MGA: variants seen among roughly 807,000 people sequenced by gnomAD.
MGA encodes MAX dimerization protein MGA.
A neutral mutation model predicts 261.1 loss-of-function variants in MGA; 40 were observed. The observed-to-expected ratio is 0.15, with a 90% CI of 0.12 to 0.20. The LOEUF (loss-of-function observed/expected upper bound fraction) is 0.20. Ranked by LOEUF, MGA falls within the 10% of genes least tolerant of loss-of-function variation. MGA has a pLI of 1.00. For synonymous variants in MGA, 1,302 were observed against 1,290.6 expected, an observed-to-expected ratio of 1.01 and a Z score of -0.19; for missense variants, 3,397 against 3,630.5, an observed-to-expected ratio of 0.94 and a Z score of 1.65.
intron 1 of MGA, among the ~76,000 whole-genome samples, chr15:41,666,731 A>G (rs1184674503): frequency 3.3e-5 from 5 of 152,200 alleles, no homozygotes; most frequent in African/African-American, 7.2e-5. Flanking sequence ...ATTCCACTCT[A>G]TGGATGTGTC....
At chr15:41,679,196 C>T (rs1177330704) in intron 2 of MGA, among the ~76,000 whole-genome samples, 9 of 151,870 alleles carry the variant, frequency 5.9e-5, no homozygotes, top group African/African-American at 1.5e-4. Flanking sequence ...CCACTGTGCC[C>T]GGCTAATTTT....
At chr15:41,719,154 A>G (rs1350618540) in intron 9 of MGA, among the ~76,000 whole-genome samples, 1 of 152,116 alleles carries the variant, frequency 6.6e-6, no homozygotes, top group Non-Finnish European at 1.5e-5. Flanking sequence ...AATAGCATCC[A>G]ACGAGAAGAG....
chr15:41,735,447 G>C (rs7182680), intron 12 of MGA, among the ~76,000 whole-genome samples: 2,008 of 152,262 alleles, frequency 0.013, 50 homozygotes, highest in African/African-American at 0.046. Context: ...CTTAAAATCA[G>C]AATACTACAG....
chr15:41,693,498 G>C (rs1338718754), intron 2 of MGA, among the ~76,000 whole-genome samples: 1 of 151,988 alleles, frequency 6.6e-6, no homozygotes, highest in Non-Finnish European at 1.5e-5. Context: ...ATTGTGCAAG[G>C]AACAAGTAAC....
At chr15:41,694,610 T>C (rs1407346948) in intron 2 of MGA, among the ~76,000 whole-genome samples, 1 of 151,610 alleles carries the variant, frequency 6.6e-6, no homozygotes, top group Non-Finnish European at 1.5e-5. Context: ...CACTGCAAGC[T>C]CCGCCTCCCA....
upstream of MGA, among the ~76,000 whole-genome samples, chr15:41,658,792 A>ATTCCCCT (rs1287911467): frequency 1.3e-5 from 2 of 151,220 alleles, no homozygotes; most frequent in East Asian, 3.9e-4. Flanking sequence ...GAGAATCTCC[A>ATTCCCCT]TTCCCCTTCT....
At position 41,660,436 on chromosome 15, in the gene MGA, G is replaced by A. The variant is rs1039814564; in HGVS notation, c.-157G>A. 1 of 152,598 alleles carries A rather than the reference G, an allele frequency of 6.6e-6. No individual in the cohort carries two copies. Among genetic ancestry groups the A allele is most frequent in the Non-Finnish European group, 1.5e-5 (1 of 68,046 alleles). 9.5% of individuals were successfully genotyped at this position (152,598 alleles called of 1,614,324 possible). A position where few individuals can be genotyped will look rare whatever the true frequency, so the allele number is the denominator to read the frequency against. On this transcript the variant is annotated 5_prime_UTR_variant, in exon 1 of 24. Transcript: ENST00000219905. ...TGCGCGCGCGCAGGCTCTTCAGCTG[G>A]AGCGGACACACGGTGTGCGAACCGA...
intron 1 of MGA, among the ~76,000 whole-genome samples, chr15:41,666,757 AT>A (rs1472469315): frequency 6.6e-6 from 1 of 152,150 alleles, no homozygotes; most frequent in East Asian, 1.9e-4. Context: ...TTGTTTTACC[AT>A]TTTAAGGACT....
chr15:41,746,200 A>G (rs2062455427), intron 15 of MGA, among the ~76,000 whole-genome samples: 1 of 152,220 alleles, frequency 6.6e-6, no homozygotes, highest in Admixed American at 6.5e-5. Flanking sequence ...TGAAGAAAAA[A>G]GTTGAAAAAT....
At chr15:41,701,334 T>A (rs914686801) in intron 5 of MGA, among the ~76,000 whole-genome samples, 1 of 152,204 alleles carries the variant, frequency 6.6e-6, no homozygotes, top group Non-Finnish European at 1.5e-5. Context: ...ATTTTAAAAA[T>A]CTTAGTTCTA....
rs557622438 is a variant in MGA at position 41,752,850 on chromosome 15, C to T, written c.7009-1587C>T. Among the ~76,000 whole-genome samples, 170 of 152,248 alleles carry T rather than the reference C, an allele frequency of 1.1e-3. 1 individual carries two copies. The highest frequency in any genetic ancestry group is 3.9e-3 in the African/African-American group (161 of 41,536). On this transcript the variant is annotated intron_variant, in intron 17 of 23. Transcript: ENST00000219905. ...CTGGGATTACAGGCATGAGCAACTG[C>T]CTCCGGCCTGAAGTATCTTAATCAT...
rs573828218 is a variant in MGA at position 41,758,955 on chromosome 15, C to A, written c.7191+1116C>A. On this transcript the variant is annotated intron_variant, in intron 19 of 23. Coordinates refer to ENST00000219905, the MANE Select transcript of MGA (RefSeq NM_001164273.2). ...ATAGTTAATGTTGATGCTTTTTTAA[C>A]GTTTATAACCTGTGATTAAAATATA... is the stretch of plus-strand genomic sequence containing the variant. Among the ~76,000 whole-genome samples, 70 of 152,032 alleles carry A rather than the reference C, an allele frequency of 4.6e-4. No homozygotes were observed. In the South Asian group the frequency reaches 0.011, roughly 25 times the overall value.
intron 15 of MGA, among the ~76,000 whole-genome samples, chr15:41,745,636 G>T (rs939727347): frequency 1.3e-5 from 2 of 151,982 alleles, no homozygotes; most frequent in African/African-American, 4.8e-5. Flanking sequence ...ACAGGGTCTT[G>T]CCCTGTCATC....
chr15:41,736,189 T>C lies in MGA; in HGVS notation c.3925T>C (p.Trp1309Arg). ...TTATTATTTTACATCAGAAAAGAGC[T>C]GGAAGTCTTCCTGCAATGAAGGAGA... is the stretch of plus-strand genomic sequence containing the variant. The change falls in exon 13 of 24, where the codon TGG (tryptophan) becomes CGG (arginine). Residue 1309 changes from tryptophan to arginine, a missense_variant. Physicochemically the swap from Trp to Arg is moderately radical, Grantham distance 101 (BLOSUM62 -3). Around this residue, in one of 9 missense-constraint regions of MGA, gnomAD observed 1,410 missense variants for 1,386.4 expected, o/e 1.02. Transcript: ENST00000219905. 1 of 1,561,892 alleles carries C rather than the reference T, an allele frequency of 6.4e-7. No individual in the cohort carries two copies. Among genetic ancestry groups the C allele is most frequent in the Non-Finnish European group, 8.7e-7 (1 of 1,154,332 alleles).
At position 41,750,272 on chromosome 15, in the gene MGA, C is replaced by T; in HGVS notation, c.6665C>T (p.Ser2222Phe). 6.2e-7 allele frequency: 1 copy of T among 1,613,982 alleles called. No individual in the cohort carries two copies. The highest frequency in any genetic ancestry group is 2.2e-5 in the East Asian group (1 of 44,888). ...GTGTTTCAGCAAGAACAAGGCATCT[C>T]TGACTTACTTGGAAAAAGTGGAATT... The change falls in exon 17 of 24, where the codon TCT (serine) becomes TTT (phenylalanine). Residue 2222 changes from serine to phenylalanine, a missense_variant. Ser to Phe is a radical substitution (Grantham distance 155). Coordinates refer to ENST00000219905, the MANE Select transcript of MGA (RefSeq NM_001164273.2).
chr15:41,732,156 T>C (rs2061541499), intron 11 of MGA, among the ~76,000 whole-genome samples: 1 of 151,954 alleles, frequency 6.6e-6, no homozygotes. Flanking sequence ...TATCCTTTTT[T>C]TTTTTTTTTG....
At chr15:41,670,816 C>T (rs1046648425) in intron 2 of MGA, among the ~76,000 whole-genome samples, 1 of 151,740 alleles carries the variant, frequency 6.6e-6, no homozygotes, top group African/African-American at 2.4e-5. Context: ...GTAAGCAATA[C>T]TGTTTTAACA....
At chr15:41,667,278 G>A (rs948564131) in intron 1 of MGA, among the ~76,000 whole-genome samples, 3 of 150,984 alleles carry the variant, frequency 2.0e-5, no homozygotes, top group African/African-American at 7.3e-5. Context: ...TCAGAGTCTC[G>A]CTCTGTCACC....
Position 41,696,579 on chromosome 15 carries a change from C to T in MGA, c.1569C>T (p.Gly523=), listed in dbSNP as rs751260818. ...CCAATGAGACTGCCTTCTGCTTAGGCAAGGAATCAGAAAATGGTCTTAGAA... is the reference window on the plus strand; with the variant it reads ...CCAATGAGACTGCCTTCTGCTTAGGTAAGGAATCAGAAAATGGTCTTAGAA... Residue 523 remains glycine (G), a synonymous_variant, in exon 3 of 24, where the codon GGC becomes GGT. Coordinates refer to ENST00000219905, the MANE Select transcript of MGA (RefSeq NM_001164273.2). 39 of 1,613,778 alleles carry T rather than the reference C, an allele frequency of 2.4e-5. No individual in the cohort carries two copies. The highest frequency in any genetic ancestry group is 3.3e-5 in the South Asian group (3 of 91,086).
Sources: gnomAD v4.1 joint callset for allele counts (sites outside exome capture counted in the v4.1 genomes callset) on GRCh38, gnomAD v4.1.1 for gene constraint, gnomAD v4.1.1 regional missense constraint, MANE v1.5 for transcripts, NCBI Gene and HGNC (gene_info 2026-07-23, HGNC 2026-07-21) for gene names.